Variants in CLIC5 observed in about 807,000 individuals in gnomAD.
The protein encoded by CLIC5 is chloride intracellular channel protein 5.
A neutral mutation model predicts 24.7 loss-of-function variants in CLIC5; 20 were observed. The observed-to-expected ratio is 0.81, with a 90% CI of 0.57 to 1.18. The LOEUF (loss-of-function observed/expected upper bound fraction) is 1.18, where lower values mean the gene tolerates loss of function less well. Among genes scored for constraint, CLIC5 ranks in the 50% most tolerant of loss-of-function variants. The pLI, the probability that CLIC5 is intolerant of heterozygous loss-of-function variation, is 0.00. For missense variants in CLIC5, 341 were observed against 326.1 expected, an observed-to-expected ratio of 1.05 and a Z score of -0.35; for synonymous variants, 159 against 135.6, an observed-to-expected ratio of 1.17 and a Z score of -1.20.
At chr6:45,982,684 C>T (rs1305185061) in intron 1 of CLIC5, among the ~76,000 whole-genome samples, 1 of 152,124 alleles carries the variant, frequency 6.6e-6, no homozygotes, top group Non-Finnish European at 1.5e-5. Context: ...CGGGGTCCGT[C>T]GTTGGCTGAA....
chr6:45,892,387 C>G (rs373161848), intron 6 of CLIC5, among the ~76,000 whole-genome samples: 46 of 152,246 alleles, frequency 3.0e-4, no homozygotes, highest in African/African-American at 1.1e-3. Flanking sequence ...GGTTTTGCAC[C>G]GGGAGAGGTG....
chr6:46,110,403 G>C, the CLIC5 span, among the ~76,000 whole-genome samples: 1 of 152,172 alleles, frequency 6.6e-6, no homozygotes, highest in Non-Finnish European at 1.5e-5. Flanking sequence ...CACCCCAACA[G>C]GAAACTATTT....
chr6:46,127,846 G>T, the CLIC5 span, among the ~76,000 whole-genome samples: 1 of 152,206 alleles, frequency 6.6e-6, no homozygotes, highest in Non-Finnish European at 1.5e-5. Context: ...AGAGACAGAA[G>T]AAATCTAGAC....
At chr6:46,098,183 T>TA in the CLIC5 span, among the ~76,000 whole-genome samples, 3 of 152,224 alleles carry the variant, frequency 2.0e-5, no homozygotes, top group African/African-American at 7.2e-5. Context: ...AGTTTTACTT[T>TA]AAAAAATATG....
At chr6:46,029,103 A>T (rs558177217) in intron 1 of CLIC5, among the ~76,000 whole-genome samples, 60 of 152,264 alleles carry the variant, frequency 3.9e-4, no homozygotes, top group African/African-American at 1.3e-3. Context: ...TAACTTAGTA[A>T]TATACATTTA....
At chr6:46,052,975 A>G (rs555080845) in intron 1 of CLIC5, among the ~76,000 whole-genome samples, 2 of 152,324 alleles carry the variant, frequency 1.3e-5, no homozygotes, top group African/African-American at 2.4e-5. Flanking sequence ...CAATCAGAGA[A>G]TAAGATCAGA....
chr6:45,912,885 A>C, intron 5 of CLIC5: 1 of 641,410 alleles, frequency 1.6e-6, no homozygotes, highest in Non-Finnish European at 2.8e-6. Flanking sequence ...GTATTTGCCC[A>C]CTCCATTTTT....
At chr6:45,963,033 C>T (rs2127395558) in intron 1 of CLIC5, among the ~76,000 whole-genome samples, 1 of 152,344 alleles carries the variant, frequency 6.6e-6, no homozygotes, top group East Asian at 1.9e-4. Flanking sequence ...CTTCTTTCTA[C>T]TCCTACATGG....
At chr6:46,042,745 G>T (rs1052616392) in intron 1 of CLIC5, among the ~76,000 whole-genome samples, 7 of 152,166 alleles carry the variant, frequency 4.6e-5, no homozygotes, top group African/African-American at 1.7e-4. Context: ...ATGACATGGA[G>T]TATTGAGTCT....
intron 4 of CLIC5, chr6:45,918,876 A>T (rs76801812): frequency 1.2e-6 from 1 of 858,544 alleles, no homozygotes; most frequent in Non-Finnish European, 1.4e-6. Flanking sequence ...GAGGCTATTG[A>T]GATGGAAAAT....
intron 1 of CLIC5, 29 bp downstream of exon 1, chr6:46,015,451 G>C (rs1407409899): frequency 3.4e-6 from 5 of 1,474,854 alleles, no homozygotes; most frequent in Non-Finnish European, 4.5e-6. Context: ...GGCGCGGCAG[G>C]TGCGGCGGGA....
intron 1 of CLIC5, among the ~76,000 whole-genome samples, chr6:46,023,906 C>A (rs995791055): frequency 6.6e-6 from 1 of 151,142 alleles, no homozygotes. Context: ...AAAAAAAAAT[C>A]CACCCACAAC....
chr6:45,918,782 C>A (rs989037359), intron 4 of CLIC5, among the ~76,000 whole-genome samples: 1 of 152,222 alleles, frequency 6.6e-6, no homozygotes, highest in Non-Finnish European at 1.5e-5. Flanking sequence ...TAGTCCCATA[C>A]CTTAGCACCA....
chr6:46,015,410 C>A, intron 1 of CLIC5, 70 bp downstream of exon 1: 2 of 1,427,088 alleles, frequency 1.4e-6, no homozygotes, highest in Non-Finnish European at 1.9e-6. Flanking sequence ...GTCCAGCGCA[C>A]CCCGAGCCCT....
At chr6:45,938,892 G>C (rs1764030857) in intron 4 of CLIC5, among the ~76,000 whole-genome samples, 1 of 152,116 alleles carries the variant, frequency 6.6e-6, no homozygotes, top group Non-Finnish European at 1.5e-5. Context: ...TCTGCCTTGG[G>C]GGTAGACAAG....
At chr6:46,086,200 G>T in the CLIC5 span, among the ~76,000 whole-genome samples, 2 of 152,374 alleles carry the variant, frequency 1.3e-5, no homozygotes, top group African/African-American at 4.8e-5. Context: ...CGCTTCCTGA[G>T]TGAGGCAATG....
chr6:46,119,371 A>G, the CLIC5 span, among the ~76,000 whole-genome samples: 3 of 152,248 alleles, frequency 2.0e-5, no homozygotes, highest in Non-Finnish European at 4.4e-5. Flanking sequence ...GTATAGTGCA[A>G]ACACATGGTC....
chr6:46,074,545 A>T (rs886270402), intron 1 of CLIC5, among the ~76,000 whole-genome samples: 2 of 152,196 alleles, frequency 1.3e-5, no homozygotes, highest in African/African-American at 4.8e-5. Context: ...TGCCCCCTAA[A>T]CTTGTTCAGT....
chr6:46,065,388 C>T (rs1441936653), intron 1 of CLIC5, among the ~76,000 whole-genome samples: 1 of 150,948 alleles, frequency 6.6e-6, no homozygotes, highest in Non-Finnish European at 1.5e-5. Flanking sequence ...ATTCACTAAC[C>T]ATATAACTAA....
Sources: allele counts gnomAD v4.1 joint callset (sites outside exome capture counted in the v4.1 genomes callset), GRCh38; gene constraint gnomAD v4.1.1; transcripts MANE v1.5; gene names NCBI Gene and HGNC (gene_info 2026-07-23, HGNC 2026-07-21).